PTPRG: variants seen among roughly 807,000 people sequenced by gnomAD.
PTPRG encodes the protein receptor-type tyrosine-protein phosphatase gamma.
A neutral mutation model predicts 165.3 loss-of-function variants in PTPRG; 102 were observed. The observed-to-expected ratio is 0.62, with a 90% CI of 0.53 to 0.73. PTPRG has a LOEUF of 0.73. Among genes scored for constraint, PTPRG ranks in the 30% least tolerant of loss-of-function variants. The pLI, the probability that PTPRG is intolerant of heterozygous loss-of-function variation, is 0.00. For synonymous variants in PTPRG, 675 were observed against 669.5 expected, an observed-to-expected ratio of 1.01 and a Z score of -0.13; for missense variants, 1,866 against 1,861.4, an observed-to-expected ratio of 1.00 and a Z score of -0.05.
At chr3:62,164,150 C>G (rs1013773423) in intron 7 of PTPRG, among the ~76,000 whole-genome samples, 1 of 152,198 alleles carries the variant, frequency 6.6e-6, no homozygotes, top group Non-Finnish European at 1.5e-5. Flanking sequence ...ATGGTTTGTT[C>G]TGTGGCTCCA....
At chr3:62,045,374 C>G (rs1302686596) in intron 4 of PTPRG, among the ~76,000 whole-genome samples, 1 of 152,180 alleles carries the variant, frequency 6.6e-6, no homozygotes, top group Non-Finnish European at 1.5e-5. Context: ...CACTTGGAGG[C>G]TACAAAGCTG....
At chr3:62,108,376 A>G (rs1259000410) in intron 5 of PTPRG, among the ~76,000 whole-genome samples, 1 of 152,192 alleles carries the variant, frequency 6.6e-6, no homozygotes, top group East Asian at 1.9e-4. Context: ...AGATGAACTC[A>G]TCCTTTTTAA....
At chr3:61,583,879 C>G (rs182304016) in intron 1 of PTPRG, among the ~76,000 whole-genome samples, 8 of 152,222 alleles carry the variant, frequency 5.3e-5, no homozygotes, top group Non-Finnish European at 1.0e-4. Flanking sequence ...CTTTTAATGC[C>G]TACGTTAACC....
intron 5 of PTPRG, among the ~76,000 whole-genome samples, chr3:62,120,464 T>TAAAA (rs1459640136): frequency 6.9e-5 from 7 of 101,844 alleles, no homozygotes; most frequent in Non-Finnish European, 7.2e-5. Context: ...AAATAAAAGA[T>TAAAA]TGAAGGCCAG....
intron 2 of PTPRG, among the ~76,000 whole-genome samples, chr3:61,933,347 T>C (rs1318696398): frequency 7.2e-5 from 11 of 152,210 alleles, no homozygotes; most frequent in Admixed American, 7.2e-4. Context: ...CTCTCAACTA[T>C]TAATTGTACT....
rs1701514996 is a variant in PTPRG, at chr3:62,255,384, T to C, written c.2559+169T>C. On this transcript the variant is annotated intron_variant, in intron 16 of 29. Transcript: ENST00000474889. The surrounding 1 kb of genome is among the most constrained non-coding windows in gnomAD (Gnocchi z 4.0). ...ATAGGCATTCTTTTCCAAATAAAAT[T>C]TAGGTGAAAGGGGAGTTGATTGTAC... is the stretch of plus-strand genomic sequence containing the variant. Among the ~76,000 whole-genome samples the C allele has an allele frequency of 6.6e-6, 1 of 152,198 alleles. No homozygotes were observed. Among genetic ancestry groups the C allele is most frequent in the African/African-American group, 2.4e-5 (1 of 41,472 alleles).
chr3:61,660,219 G>A (rs768888404), intron 1 of PTPRG, among the ~76,000 whole-genome samples: 5 of 152,060 alleles, frequency 3.3e-5, no homozygotes, highest in South Asian at 2.1e-4. Context: ...GTGAGACTCC[G>A]TCTCAAAAAA....
chr3:61,648,613 GGGAA>G, intron 1 of PTPRG, among the ~76,000 whole-genome samples: 2 of 152,198 alleles, frequency 1.3e-5, no homozygotes, highest in African/African-American at 4.8e-5. Context: ...GATGCACCAA[GGGAA>G]CGTCTAATGC....
At position 61,812,026 on chromosome 3, in the gene PTPRG, T is replaced by G. The variant is rs112874357; in HGVS notation, c.190+63044T>G. 5.8e-3 allele frequency among the ~76,000 whole-genome samples: 890 copies of G among 152,316 alleles called. 7 individuals are homozygous for G. Among genetic ancestry groups the G allele is most frequent in the African/African-American group, 0.021 (855 of 41,562 alleles). On this transcript the variant is annotated intron_variant, in intron 2 of 29. Transcript: ENST00000474889. ...AAAAAAAGGCTTTTATTTCAAAATG[T>G]GCTTGAGGACATAGTGGGGAGCACC...
intron 8 of PTPRG, among the ~76,000 whole-genome samples, chr3:62,171,990 T>G (rs1238673064): frequency 6.6e-6 from 1 of 152,194 alleles, no homozygotes; most frequent in Admixed American, 6.5e-5. Flanking sequence ...TTCTGCACAT[T>G]TTATGCAAGT....
intron 28 of PTPRG, among the ~76,000 whole-genome samples, chr3:62,287,562 T>G (rs1448972431): frequency 6.6e-6 from 1 of 151,938 alleles, no homozygotes; most frequent in African/African-American, 2.4e-5. Flanking sequence ...GAAATGAAAC[T>G]AGAATGTGGA....
At chr3:62,168,248 G>A (rs994553399) in intron 8 of PTPRG, 85 bp downstream of exon 8, 58 of 1,315,498 alleles carry the variant, frequency 4.4e-5, no homozygotes, top group Non-Finnish European at 5.9e-5. Context: ...AGCCAGCCAG[G>A]AATTGGGACT....
At chr3:62,121,596 A>G (rs1231865233) in intron 5 of PTPRG, among the ~76,000 whole-genome samples, 1 of 152,140 alleles carries the variant, frequency 6.6e-6, no homozygotes. Context: ...CAGGGGATCC[A>G]TCTGCACGTT....
At chr3:61,609,347 C>T (rs1701102474) in intron 1 of PTPRG, among the ~76,000 whole-genome samples, 2 of 152,128 alleles carry the variant, frequency 1.3e-5, no homozygotes, top group African/African-American at 4.8e-5. Flanking sequence ...CCTAGAAAGC[C>T]TTTTGGGGAA....
At chr3:61,618,355 A>AG (rs1413897941) in intron 1 of PTPRG, among the ~76,000 whole-genome samples, 2 of 152,122 alleles carry the variant, frequency 1.3e-5, no homozygotes, top group Non-Finnish European at 2.9e-5. Flanking sequence ...CCAGCATGAG[A>AG]GGGGGGTGTG....
intron 2 of PTPRG, among the ~76,000 whole-genome samples, chr3:61,801,311 AT>A (rs745926597): frequency 0.073 from 10,334 of 140,886 alleles, 411 homozygotes; most frequent in South Asian, 0.16. Context: ...TGTGTGTGTA[AT>A]TTTTTTTTTT....
intron 2 of PTPRG, among the ~76,000 whole-genome samples, chr3:61,965,524 T>C (rs2040251991): frequency 6.6e-6 from 1 of 150,968 alleles, no homozygotes. Context: ...CTTAAACCCT[T>C]AGGGTGGACT....
intron 1 of PTPRG, among the ~76,000 whole-genome samples, chr3:61,680,658 C>A (rs1703405821): frequency 2.0e-5 from 3 of 149,766 alleles, no homozygotes; most frequent in Non-Finnish European, 4.4e-5. Context: ...AAAAAGAGGG[C>A]ATGGAAAAAC....
chr3:61,896,678 T>C lies in PTPRG; in HGVS notation c.191-92947T>C, dbSNP rs544363960. On this transcript the variant is annotated intron_variant, in intron 2 of 29. Coordinates refer to ENST00000474889, the MANE Select transcript of PTPRG (RefSeq NM_002841.4). The stretch of plus-strand genomic sequence containing the variant: ...CATTTTGCATTCCTGTAGCAACATA[T>C]CTCTGCAGCCTTGGCAATTTTTGAC... Among the ~76,000 whole-genome samples the C allele has an allele frequency of 2.0e-5, 3 of 152,324 alleles. No homozygotes were observed. The South Asian group carries it at 6.2e-4, about 32-fold the overall frequency.
Sources: allele counts gnomAD v4.1 joint callset (sites outside exome capture counted in the v4.1 genomes callset), GRCh38; gene constraint gnomAD v4.1.1; non-coding constraint Gnocchi (gnomAD v3.1); transcripts MANE v1.5; gene names NCBI Gene and HGNC (gene_info 2026-07-23, HGNC 2026-07-21).